The following SPATC1L variants were observed in gnomAD, a reference collection of about 807,000 sequenced individuals.
SPATC1L encodes the protein spermatogenesis and centriole associated 1 like.
In SPATC1L, 20 loss-of-function variants were observed where a neutral mutation model predicts 21.2. The ratio of observed to expected loss-of-function variants is 0.94; its 90% CI spans 0.66 to 1.37. The LOEUF (loss-of-function observed/expected upper bound fraction) is 1.37, where lower values mean the gene tolerates loss of function less well. Ranked by LOEUF, SPATC1L falls within the 40% of genes most tolerant of loss-of-function variation. SPATC1L has a pLI of 0.00. For synonymous variants in SPATC1L, 290 were observed against 234.5 expected, an observed-to-expected ratio of 1.24 and a Z score of -2.16; for missense variants, 499 against 478.7, an observed-to-expected ratio of 1.04 and a Z score of -0.40.
intron 3 of SPATC1L, among the ~76,000 whole-genome samples, chr21:46,163,047 CAG>C (rs1412771922): frequency 6.6e-6 from 1 of 152,228 alleles, no homozygotes; most frequent in African/African-American, 2.4e-5. Flanking sequence ...GGACGGGAAA[CAG>C]TATCTCATTT....
At chr21:46,177,942 G>T (rs1173691886) in intron 2 of SPATC1L, among the ~76,000 whole-genome samples, 1 of 152,184 alleles carries the variant, frequency 6.6e-6, no homozygotes, top group Admixed American at 6.5e-5. Flanking sequence ...CCATAAAAAA[G>T]AAAGAGATCA....
intron 2 of SPATC1L, among the ~76,000 whole-genome samples, chr21:46,172,877 TCA>T (rs1489930617): frequency 1.3e-5 from 2 of 152,284 alleles, no homozygotes; most frequent in South Asian, 4.1e-4. Flanking sequence ...GCACTGGTGC[TCA>T]TTTTTGGACC....
At chr21:46,173,230 C>T (rs1569001912) in intron 2 of SPATC1L, among the ~76,000 whole-genome samples, 1 of 152,230 alleles carries the variant, frequency 6.6e-6, no homozygotes, top group Non-Finnish European at 1.5e-5. Context: ...CTGCTGGCCT[C>T]TCCTGGGGCC....
At chr21:46,162,546 C>A (rs116575934) in intron 3 of SPATC1L, among the ~76,000 whole-genome samples, 6,158 of 150,228 alleles carry the variant, frequency 0.041, 178 homozygotes, top group Middle Eastern at 0.12. Flanking sequence ...AAAACTGCTT[C>A]ATTCTTTCCT....
Position 46,182,691 on chromosome 21 carries a change from GC to G in SPATC1L, c.125del (p.Gly42AlafsTer96). The stretch of plus-strand genomic sequence containing the variant: ...TGGGTGGGAGCAGGTCGTGGCCGCC[GC>G]CCTCCTGGCAGCTCTGGCTGAGCAG... ...RRLLSQSCQE[G>X]GGHDLLPPRA... On this transcript the variant is annotated frameshift_variant, in exon 2 of 5. Transcript: ENST00000291672. LOFTEE classifies it high-confidence loss of function. 1 of 1,543,622 alleles carries G rather than the reference GC, an allele frequency of 6.5e-7. No homozygotes were observed.
At chr21:46,168,209 G>A in intron 3 of SPATC1L, 99 bp downstream of exon 3, 1 of 747,920 alleles carries the variant, frequency 1.3e-6, no homozygotes, top group Non-Finnish European at 2.1e-6. Context: ...TGTGTGACTG[G>A]ATGGAGAAAC....
At chr21:46,174,354 A>G (rs1471710179) in intron 2 of SPATC1L, among the ~76,000 whole-genome samples, 1 of 151,646 alleles carries the variant, frequency 6.6e-6, no homozygotes, top group Non-Finnish European at 1.5e-5. Context: ...CAAAAAAAAA[A>G]AAAAAACAGA....
intron 2 of SPATC1L, among the ~76,000 whole-genome samples, chr21:46,177,881 T>TA (rs1285896194): frequency 6.6e-6 from 1 of 152,066 alleles, no homozygotes; most frequent in African/African-American, 2.4e-5. Flanking sequence ...CCATCAGTGG[T>TA]AGATTGGATA....
intron 2 of SPATC1L, among the ~76,000 whole-genome samples, chr21:46,176,623 G>C (rs928760289): frequency 6.6e-6 from 1 of 152,110 alleles, no homozygotes; most frequent in Non-Finnish European, 1.5e-5. Context: ...ACTGCTCAAA[G>C]AAATCAGAGA....
chr21:46,182,565 G>A (rs2079682788), intron 2 of SPATC1L, 59 bp downstream of exon 2: 5 of 1,400,550 alleles, frequency 3.6e-6, no homozygotes, highest in Non-Finnish European at 4.7e-6. Flanking sequence ...GACTCCCGGG[G>A]AGCAGGCGTC....
intron 1 of SPATC1L, among the ~76,000 whole-genome samples, chr21:46,184,045 A>G (rs1470259073): frequency 6.6e-6 from 1 of 150,704 alleles, no homozygotes; most frequent in Non-Finnish European, 1.5e-5. Flanking sequence ...GCTTTGGAGC[A>G]CTGGGTGGCC....
chr21:46,170,137 T>C (rs1444493530), intron 2 of SPATC1L, among the ~76,000 whole-genome samples: 1 of 103,274 alleles, frequency 9.7e-6, no homozygotes, highest in East Asian at 2.5e-4. Context: ...GCCCCTGCTC[T>C]GTGAGCATCC....
intron 2 of SPATC1L, among the ~76,000 whole-genome samples, chr21:46,182,230 C>G (rs1338298000): frequency 6.6e-6 from 1 of 152,188 alleles, no homozygotes; most frequent in South Asian, 2.1e-4. Flanking sequence ...TCTGACACCC[C>G]CCTCGCCCCT....
chr21:46,182,227 C>A (rs1403829600), intron 2 of SPATC1L, among the ~76,000 whole-genome samples: 1 of 151,982 alleles, frequency 6.6e-6, no homozygotes, highest in Non-Finnish European at 1.5e-5. Context: ...TGGTCTGACA[C>A]CCCCCTCGCC....
intron 3 of SPATC1L, among the ~76,000 whole-genome samples, chr21:46,162,501 C>T (rs920971328): frequency 5.3e-5 from 8 of 151,794 alleles, no homozygotes; most frequent in Non-Finnish European, 8.8e-5. Context: ...TTGGCAACCT[C>T]TGGGCATCAA....
intron 2 of SPATC1L, among the ~76,000 whole-genome samples, chr21:46,174,832 C>G (rs2079620659): frequency 1.3e-5 from 2 of 152,226 alleles, no homozygotes. Context: ...CTACAGAACT[C>G]TCCACCCCAA....
chr21:46,173,355 C>A (rs1025403527), intron 2 of SPATC1L, among the ~76,000 whole-genome samples: 3 of 152,078 alleles, frequency 2.0e-5, no homozygotes, highest in African/African-American at 7.2e-5. Flanking sequence ...GAGACAGCCC[C>A]GACGGCCACA....
Position 46,162,044 on chromosome 21 carries a change from C to T in SPATC1L, c.568G>A (p.Glu190Lys), listed in dbSNP as rs371642521. 173 of 1,582,910 alleles carry T rather than the reference C, an allele frequency of 1.1e-4. 1 individual carries two copies. The Admixed American group carries it at 2.9e-3, about 26-fold the overall frequency. ...LNEIQSFAGA[E>K]KDARVVGEIA... Reference sequence around the variant, plus strand: ...TCGCCCACCACGCGCGCGTCCTTCTCGGCGCCCGCGAAGCTCTGGATCTCT... The same window carrying T: ...TCGCCCACCACGCGCGCGTCCTTCTTGGCGCCCGCGAAGCTCTGGATCTCT... The change falls in exon 4 of 5, where the codon GAG becomes AAG. Residue 190 changes from glutamate to lysine, a missense_variant. Transcript: ENST00000291672.
At chr21:46,175,748 T>C (rs1168293179) in intron 2 of SPATC1L, among the ~76,000 whole-genome samples, 8 of 152,186 alleles carry the variant, frequency 5.3e-5, no homozygotes, top group Admixed American at 2.0e-4. Context: ...GCTGGTACCA[T>C]TCCTGGTGAA....
Sources: gnomAD v4.1 joint callset for allele counts (sites outside exome capture counted in the v4.1 genomes callset) on GRCh38, gnomAD v4.1.1 for gene constraint, MANE v1.5 for transcripts, NCBI Gene and HGNC (gene_info 2026-07-23, HGNC 2026-07-21) for gene names.